RNF170: variants seen among roughly 807,000 people sequenced by gnomAD.
RNF170 encodes ring finger protein 170.
In RNF170, 12 loss-of-function variants were observed where a neutral mutation model predicts 32.7. That is an observed-to-expected ratio of 0.37 (90% CI 0.24 to 0.60). The LOEUF (loss-of-function observed/expected upper bound fraction) is 0.60, where lower values mean the gene tolerates loss of function less well. Ranked by LOEUF, RNF170 falls within the 20% of genes least tolerant of loss-of-function variation. The probability of loss-of-function intolerance (pLI) is 0.72; values close to 1 mark genes in which losing one functional copy is unlikely to be tolerated. For missense variants in RNF170, 212 were observed against 311.2 expected (o/e 0.68, Z 2.40); for synonymous variants, 91 against 103.6 (o/e 0.88, Z 0.74).
chr8:42,865,974 G>A (rs1052976453), intron 4 of RNF170, among the ~76,000 whole-genome samples: 1 of 151,950 alleles, frequency 6.6e-6, no homozygotes, highest in African/African-American at 2.4e-5. Context: ...AACAAAGCAA[G>A]ACTCTGTCTC....
intron 2 of RNF170, chr8:42,881,108 C>A (rs973499044): frequency 6.6e-6 from 1 of 152,084 alleles, no homozygotes; most frequent in Non-Finnish European, 1.5e-5. Flanking sequence ...TGGGGTATGA[C>A]TGTATCTGAT....
At position 42,873,259 on chromosome 8, in the gene RNF170, C is replaced by T. The variant is rs149347980; in HGVS notation, c.213+672G>A. 4.6e-4 allele frequency among the ~76,000 whole-genome samples: 67 copies of T among 147,010 alleles called. 1 individual carries two copies. In the East Asian group the frequency reaches 7.6e-3, roughly 17 times the overall value. ...TTGAGCTCAAAAGTTGGACAGCAGC[C>T]GGGGCAACATAGTGAGACCCTGTCT... On this transcript the variant is annotated intron_variant, in intron 3 of 6. Coordinates refer to ENST00000527424, the MANE Select transcript of RNF170 (RefSeq NM_030954.4).
intron 4 of RNF170, 118 bp downstream of exon 4, chr8:42,869,886 C>A (rs1804395740): frequency 1.4e-6 from 1 of 734,376 alleles, no homozygotes. Flanking sequence ...CAGAGGTAAT[C>A]TACCCTACTC....
chr8:42,873,572 G>A (rs1015135363), intron 3 of RNF170, among the ~76,000 whole-genome samples: 1 of 152,034 alleles, frequency 6.6e-6, no homozygotes, highest in African/African-American at 2.4e-5. Flanking sequence ...AAACAAAACA[G>A]CCACCTCTTC....
intron 1 of RNF170, among the ~76,000 whole-genome samples, chr8:42,894,096 TCAGCAGCCA>T (rs1806540831): frequency 6.6e-6 from 1 of 152,182 alleles, no homozygotes; most frequent in African/African-American, 2.4e-5. Context: ...ACGTAGAAAC[TCAGCAGCCA>T]CATGGCTTCT....
At chr8:42,884,136 A>C (rs1401189043) in intron 2 of RNF170, among the ~76,000 whole-genome samples, 1 of 151,872 alleles carries the variant, frequency 6.6e-6, no homozygotes, top group African/African-American at 2.4e-5. Context: ...GCTGGAGTAC[A>C]GTGGCGTGAT....
intron 6 of RNF170, among the ~76,000 whole-genome samples, chr8:42,858,312 T>G (rs960651448): frequency 6.6e-6 from 1 of 152,072 alleles, no homozygotes; most frequent in Non-Finnish European, 1.5e-5. Flanking sequence ...TGCCCTGAAA[T>G]GTACACGACC....
chr8:42,861,604 A>G (rs1803665885), intron 6 of RNF170, 141 bp downstream of exon 6: 3 of 719,544 alleles, frequency 4.2e-6, no homozygotes, highest in Non-Finnish European at 7.3e-6. Flanking sequence ...TGGCCTCCCA[A>G]AGTGCTAGGA....
chr8:42,870,006 C>T lies in RNF170; in HGVS notation c.320G>A (p.Cys107Tyr). The change falls in exon 4 of 7, where the codon TGT (cysteine) becomes TAT (tyrosine). Residue 107 changes from cysteine to tyrosine, a missense_variant and splice_region_variant. Cys to Tyr is a radical substitution (Grantham distance 194). Transcript: ENST00000527424. The stretch of plus-strand genomic sequence containing the variant: ...CAAGTATAGCGTTGTTTGCTTACCA[C>T]AAAAAAGATGTCCACAGTTGGTCTC... ...PVETNCGHLFCGACIIAYWRY... is the reference protein window; with the variant it reads ...PVETNCGHLFYGACIIAYWRY... The T allele has an allele frequency of 1.2e-6, 2 of 1,611,412 alleles. No individual in the cohort carries two copies. Among genetic ancestry groups the T allele is most frequent in the Non-Finnish European group, 1.7e-6 (2 of 1,177,574 alleles).
intron 1 of RNF170, chr8:42,889,434 T>C (rs1426593463): frequency 6.6e-6 from 1 of 152,166 alleles, no homozygotes; most frequent in South Asian, 2.1e-4. Context: ...AATTAAGGAA[T>C]ATATATTCAA....
intron 4 of RNF170, among the ~76,000 whole-genome samples, chr8:42,866,253 T>C (rs1218186737): frequency 2.0e-5 from 3 of 151,502 alleles, no homozygotes; most frequent in African/African-American, 4.8e-5. Flanking sequence ...AAGGTATTAG[T>C]ACAAGTGGCC....
rs527523922 is a variant in RNF170, at chr8:42,889,898, A to C, written c.-7-2027T>G. The stretch of plus-strand genomic sequence containing the variant: ...AAATTAGAGGTGCTGTAGCTGTTTC[A>C]AAAGTCCTAAGGGCACTGAGAACTA... On this transcript the variant is annotated intron_variant, in intron 1 of 6. Coordinates refer to ENST00000527424, the MANE Select transcript of RNF170 (RefSeq NM_030954.4). Among the ~76,000 whole-genome samples, 14 of 152,318 alleles carry C rather than the reference A, an allele frequency of 9.2e-5. No individual in the cohort carries two copies. In the South Asian group the frequency reaches 2.9e-3, roughly 32 times the overall value.
At chr8:42,857,614 A>G (rs1256308132) in intron 6 of RNF170, among the ~76,000 whole-genome samples, 1 of 152,268 alleles carries the variant, frequency 6.6e-6, no homozygotes, top group Non-Finnish European at 1.5e-5. Flanking sequence ...GCAGAATATT[A>G]AAGAGCTAAA....
At chr8:42,857,170 G>A (rs936604445) in intron 6 of RNF170, among the ~76,000 whole-genome samples, 10 of 152,304 alleles carry the variant, frequency 6.6e-5, no homozygotes, top group Admixed American at 4.6e-4. Flanking sequence ...CTAGATAGGC[G>A]TTTTATGTAA....
At chr8:42,870,157 C>T in intron 3 of RNF170, 45 bp from the exon 4 acceptor site, 1 of 1,306,966 alleles carries the variant, frequency 7.7e-7, no homozygotes. Context: ...ACACATGTGG[C>T]CCTCAACAGT....
At chr8:42,871,716 C>T (rs1804536290) in intron 3 of RNF170, among the ~76,000 whole-genome samples, 1 of 151,998 alleles carries the variant, frequency 6.6e-6, no homozygotes, top group Non-Finnish European at 1.5e-5. Context: ...GGATTACAAG[C>T]ACCTGGCTAA....
chr8:42,867,839 T>C, intron 4 of RNF170, among the ~76,000 whole-genome samples: 1 of 144,582 alleles, frequency 6.9e-6, no homozygotes, highest in Non-Finnish European at 1.5e-5. Context: ...GAAGTATGCA[T>C]TAGAAACTAA....
intron 3 of RNF170, among the ~76,000 whole-genome samples, chr8:42,871,940 C>A (rs1005310331): frequency 6.6e-6 from 1 of 152,230 alleles, no homozygotes; most frequent in African/African-American, 2.4e-5. Context: ...TAATTGAAAT[C>A]TTTATCAGTG....
At chr8:42,867,317 C>A (rs1480841907) in intron 4 of RNF170, among the ~76,000 whole-genome samples, 2 of 151,256 alleles carry the variant, frequency 1.3e-5, no homozygotes, top group Non-Finnish European at 2.9e-5. Flanking sequence ...ACTAAAAATA[C>A]AAAATTAGCC....
Sources: allele counts gnomAD v4.1 joint callset (sites outside exome capture counted in the v4.1 genomes callset), GRCh38; gene constraint gnomAD v4.1.1; transcripts MANE v1.5; gene names NCBI Gene and HGNC (gene_info 2026-07-23, HGNC 2026-07-21).